TMEM178B: variants seen among roughly 807,000 people sequenced by gnomAD.
The protein encoded by TMEM178B is transmembrane protein 178B.
Under a neutral mutation model 31.0 loss-of-function variants are expected in TMEM178B, and 5 were observed. The observed-to-expected ratio is 0.16, with a 90% CI of 0.08 to 0.34. The LOEUF is 0.34. Ranked by LOEUF, TMEM178B falls within the 10% of genes least tolerant of loss-of-function variation. The pLI is 1.00. For missense variants in TMEM178B, 275 were observed against 400.3 expected (o/e 0.69, Z 2.67); for synonymous variants, 164 against 164.0 (o/e 1.00, Z 0.00).
rs531228649 is a variant in TMEM178B at position 141,161,045 on chromosome 7, T to C, written c.383-51546T>C. ...GCTAATTTTGTATTTTTAGTAGAGA[T>C]GGGGTTTCACCACGTTGGTCAGGCT... On this transcript the variant is annotated intron_variant, in intron 1 of 3. Transcript: ENST00000565468. Among the ~76,000 whole-genome samples, 1,381 of 152,052 alleles carry C rather than the reference T, an allele frequency of 9.1e-3. 13 individuals are homozygous for C. Among genetic ancestry groups the C allele is most frequent in the Middle Eastern group, 0.017 (5 of 294 alleles).
At chr7:141,191,696 T>A (rs1030437909) in intron 1 of TMEM178B, among the ~76,000 whole-genome samples, 2 of 152,238 alleles carry the variant, frequency 1.3e-5, no homozygotes, top group Non-Finnish European at 2.9e-5. Context: ...TATTGGTTGA[T>A]CTTTTTCTTA....
chr7:141,298,396 TA>T (rs1196593812), intron 2 of TMEM178B, among the ~76,000 whole-genome samples: 1 of 152,132 alleles, frequency 6.6e-6, no homozygotes, highest in African/African-American at 2.4e-5. Flanking sequence ...CTTTTGTTGC[TA>T]AAACATACTC....
At chr7:141,362,702 C>A (rs934572133) in intron 2 of TMEM178B, among the ~76,000 whole-genome samples, 1 of 152,158 alleles carries the variant, frequency 6.6e-6, no homozygotes, top group African/African-American at 2.4e-5. Context: ...GAAGGACTGG[C>A]TTAGGGCCTG....
chr7:141,458,332 G>A (rs1231409679), intron 3 of TMEM178B, among the ~76,000 whole-genome samples: 1 of 152,088 alleles, frequency 6.6e-6, no homozygotes, highest in East Asian at 1.9e-4. Context: ...AGCCTAACAA[G>A]CTTCTTCACA....
chr7:141,299,088 C>G (rs1321377087), intron 2 of TMEM178B, among the ~76,000 whole-genome samples: 1 of 152,098 alleles, frequency 6.6e-6, no homozygotes, highest in African/African-American at 2.4e-5. Flanking sequence ...GGAGAGCTGC[C>G]TCGTAGTGGT....
intron 2 of TMEM178B, among the ~76,000 whole-genome samples, chr7:141,432,425 G>T (rs1434433067): frequency 6.6e-6 from 1 of 152,174 alleles, no homozygotes; most frequent in Non-Finnish European, 1.5e-5. Context: ...AACGTGCTGG[G>T]ATTACAGGCG....
chr7:141,229,011 A>C (rs1460935065), intron 2 of TMEM178B, among the ~76,000 whole-genome samples: 2 of 85,478 alleles, frequency 2.3e-5, no homozygotes, highest in African/African-American at 5.5e-5. Flanking sequence ...AGTCAGTACT[A>C]TCTTTTTTTT....
chr7:141,486,169 G>A, the TMEM178B span, among the ~76,000 whole-genome samples: 1 of 152,160 alleles, frequency 6.6e-6, no homozygotes, highest in African/African-American at 2.4e-5. Context: ...GACACCATGT[G>A]TTCTCACCTA....
At chr7:141,369,310 C>T (rs1021883992) in intron 2 of TMEM178B, among the ~76,000 whole-genome samples, 6 of 147,060 alleles carry the variant, frequency 4.1e-5, no homozygotes, top group South Asian at 2.3e-4. Flanking sequence ...TGTCTCTCCG[C>T]GCCGACGTGT....
chr7:141,374,893 C>A (rs1800185415), intron 2 of TMEM178B, among the ~76,000 whole-genome samples: 1 of 152,222 alleles, frequency 6.6e-6, no homozygotes, highest in African/African-American at 2.4e-5. Context: ...ATACCAACTG[C>A]ATTTACAAAA....
chr7:141,162,193 G>A (rs1796186667), intron 1 of TMEM178B, among the ~76,000 whole-genome samples: 1 of 152,222 alleles, frequency 6.6e-6, no homozygotes, highest in South Asian at 2.1e-4. Context: ...TGATTTGGAG[G>A]CTGACGCGTG....
chr7:141,257,626 T>G (rs1797948737), intron 2 of TMEM178B, among the ~76,000 whole-genome samples: 1 of 152,204 alleles, frequency 6.6e-6, no homozygotes. Flanking sequence ...TTTCAGCTCC[T>G]CAGCTCTTGA....
intron 3 of TMEM178B, among the ~76,000 whole-genome samples, chr7:141,455,675 C>T (rs544757761): frequency 2.0e-5 from 3 of 152,320 alleles, no homozygotes; most frequent in South Asian, 2.1e-4. Flanking sequence ...ATTTGTAAAG[C>T]TCTTGGAACA....
chr7:141,463,855 T>C (rs1586977837), intron 3 of TMEM178B, among the ~76,000 whole-genome samples: 1 of 152,232 alleles, frequency 6.6e-6, no homozygotes, highest in African/African-American at 2.4e-5. Context: ...TGCACTCAGG[T>C]AAGGCCAGAC....
At position 141,448,935 on chromosome 7, in the gene TMEM178B, G is replaced by A. The variant is rs555609737; in HGVS notation, c.634+11190G>A. On this transcript the variant is annotated intron_variant, in intron 3 of 3. Coordinates refer to ENST00000565468, the MANE Select transcript of TMEM178B (RefSeq NM_001195278.2). The stretch of plus-strand genomic sequence containing the variant: ...GGTGGGCCAGGAGGAGGGTGAACAG[G>A]AGGAGGGAAGAGGGGACAGGGTAGA... Among the ~76,000 whole-genome samples the A allele has an allele frequency of 1.3e-3, 200 of 152,268 alleles. 1 individual carries two copies. The highest frequency in any genetic ancestry group is 4.6e-3 in the African/African-American group (193 of 41,560).
intron 2 of TMEM178B, among the ~76,000 whole-genome samples, chr7:141,390,206 A>G (rs909658795): frequency 2.6e-5 from 4 of 152,114 alleles, no homozygotes; most frequent in Non-Finnish European, 5.9e-5. Flanking sequence ...GGTAGATCAT[A>G]CCTCTCTCTG....
At chr7:141,425,534 G>A (rs527911105) in intron 2 of TMEM178B, among the ~76,000 whole-genome samples, 1 of 152,326 alleles carries the variant, frequency 6.6e-6, no homozygotes, top group African/African-American at 2.4e-5. Context: ...TGGCTGAGCT[G>A]CAGTTTCCTT....
At position 141,247,204 on chromosome 7, in the gene TMEM178B, TAC is replaced by T. The variant is rs3035767; in HGVS notation, c.496+34524_496+34525del. On this transcript the variant is annotated intron_variant, in intron 2 of 3. Transcript: ENST00000565468. ...ATCTCTCTATATATAGGTTTCTCTC[TAC>T]ACACACACACACACACACACACAAT... 7.4e-3 allele frequency among the ~76,000 whole-genome samples: 1,104 copies of T among 149,812 alleles called. 8 individuals carry two copies. Among genetic ancestry groups the T allele is most frequent in the African/African-American group, 0.018 (718 of 40,938 alleles).
intron 2 of TMEM178B, among the ~76,000 whole-genome samples, chr7:141,257,562 G>A (rs1019638257): frequency 6.6e-6 from 1 of 152,090 alleles, no homozygotes; most frequent in Non-Finnish European, 1.5e-5. Flanking sequence ...ATCACAGACT[G>A]CTTTCTAGGT....
Sources: allele counts gnomAD v4.1 joint callset (sites outside exome capture counted in the v4.1 genomes callset), GRCh38; gene constraint gnomAD v4.1.1; transcripts MANE v1.5; gene names NCBI Gene and HGNC (gene_info 2026-07-23, HGNC 2026-07-21).